Variants in ATPAF2 observed in about 807,000 individuals in gnomAD.
ATPAF2 encodes ATP12 homolog.
ATPAF2 carries 30 observed loss-of-function variants against 36.6 expected under a neutral mutation model. The observed-to-expected ratio is 0.82, with a 90% CI of 0.61 to 1.11. The LOEUF (loss-of-function observed/expected upper bound fraction) is 1.11. Ranked by LOEUF, ATPAF2 falls within the 50% of genes most tolerant of loss-of-function variation. The probability of loss-of-function intolerance (pLI) is 0.00; values close to 1 mark genes in which losing one functional copy is unlikely to be tolerated. For synonymous variants in ATPAF2, 140 were observed against 152.6 expected (o/e 0.92, Z 0.61); for missense variants, 321 against 372.3 (o/e 0.86, Z 1.13).
At chr17:18,017,355 T>C (rs537908199), downstream of ATPAF2, among the ~76,000 whole-genome samples, 1 of 152,326 alleles carries the variant, frequency 6.6e-6, no homozygotes, top group Admixed American at 6.5e-5. Flanking sequence ...TCCCCTGCCA[T>C]GCCTAGGCAG....
At chr17:18,026,220 A>T in intron 4 of ATPAF2, 99 bp downstream of exon 4, 1 of 1,194,714 alleles carries the variant, frequency 8.4e-7, no homozygotes, top group Non-Finnish European at 1.3e-6. Context: ...TTGTCCTTGC[A>T]ATAAATGGAG....
At chr17:18,034,800 C>A (rs1300873983) in intron 1 of ATPAF2, among the ~76,000 whole-genome samples, 1 of 150,582 alleles carries the variant, frequency 6.6e-6, no homozygotes, top group African/African-American at 2.4e-5. Flanking sequence ...TAGCGTTATT[C>A]ATATTAGCCA....
At position 18,039,122 on chromosome 17, in the gene ATPAF2, C is replaced by G; in HGVS notation, c.-109G>C. On this transcript the variant is annotated 5_prime_UTR_variant, in exon 1 of 8. Transcript: ENST00000474627. The surrounding 1 kb of genome is among the most constrained non-coding windows in gnomAD (Gnocchi z 5.3). ...CGGGCTGTACGGAAACCTCTCAACG[C>G]CTCCTCAGAGCCCTCAACCTCCCTT... The G allele has an allele frequency of 6.8e-7, 1 of 1,461,792 alleles. No homozygotes were observed. The highest frequency in any genetic ancestry group is 9.3e-7 in the Non-Finnish European group (1 of 1,076,924). 90.6% of individuals were successfully genotyped at this position (1,461,792 alleles called of 1,614,324 possible).
intron 1 of ATPAF2, among the ~76,000 whole-genome samples, chr17:18,038,530 TGAGA>T (rs1032518786): frequency 2.0e-5 from 3 of 152,214 alleles, no homozygotes; most frequent in African/African-American, 7.2e-5. Context: ...CACAAACCTC[TGAGA>T]GAGTCTGCCT....
intron 1 of ATPAF2, among the ~76,000 whole-genome samples, chr17:18,037,924 C>A (rs1044586933): frequency 6.6e-6 from 1 of 152,210 alleles, no homozygotes; most frequent in African/African-American, 2.4e-5. Context: ...CTTAAACAAA[C>A]GCCCTTTCAC....
chr17:18,037,419 A>G (rs1444669898), intron 1 of ATPAF2, among the ~76,000 whole-genome samples: 1 of 151,968 alleles, frequency 6.6e-6, no homozygotes, highest in African/African-American at 2.4e-5. Flanking sequence ...CCCCATCTCT[A>G]CTAAAAATAC....
downstream of ATPAF2, among the ~76,000 whole-genome samples, chr17:18,017,772 T>TC (rs1353083087): frequency 2.0e-5 from 3 of 151,958 alleles, no homozygotes; most frequent in Non-Finnish European, 2.9e-5. Flanking sequence ...GAACCACTCT[T>TC]CCCCCCTGCC....
chr17:18,021,084 T>C (rs1471279573), intron 7 of ATPAF2, 39 bp downstream of exon 7: 3 of 1,592,898 alleles, frequency 1.9e-6, no homozygotes, highest in Admixed American at 3.5e-5. Context: ...GAGTCTGAAC[T>C]AGGAAGGGGG....
At chr17:18,016,131 T>G, downstream of ATPAF2, 1 of 1,613,958 alleles carries the variant, frequency 6.2e-7, no homozygotes, top group Non-Finnish European at 8.5e-7. Context: ...CTCCTGAAGA[T>G]TGACAATCGA....
downstream of ATPAF2, chr17:18,016,645 C>G (rs1272675606): frequency 6.2e-7 from 1 of 1,613,260 alleles, no homozygotes; most frequent in Non-Finnish European, 8.5e-7. Flanking sequence ...ACTGGACAAC[C>G]TGGAATGTGG....
At chr17:18,029,161 C>G (rs1342450069) in intron 1 of ATPAF2, among the ~76,000 whole-genome samples, 2 of 152,256 alleles carry the variant, frequency 1.3e-5, no homozygotes, top group Admixed American at 6.5e-5. Context: ...CCCATCCCCT[C>G]TCTCCAATTA....
chr17:18,017,719 C>G (rs1360568702), downstream of ATPAF2, among the ~76,000 whole-genome samples: 1 of 152,228 alleles, frequency 6.6e-6, no homozygotes, highest in South Asian at 2.1e-4. Context: ...TTACCTTACT[C>G]AGGCTGGCAA....
At chr17:18,024,498 C>G (rs2044515635) in intron 5 of ATPAF2, 126 bp downstream of exon 5, 1 of 806,146 alleles carries the variant, frequency 1.2e-6, no homozygotes, top group Non-Finnish European at 2.1e-6. Flanking sequence ...CCAAATCCCA[C>G]GAGTGCTCTG....
At chr17:18,031,499 A>C (rs2044634238) in intron 1 of ATPAF2, among the ~76,000 whole-genome samples, 1 of 151,818 alleles carries the variant, frequency 6.6e-6, no homozygotes, top group South Asian at 2.1e-4. Context: ...GTGTTTTTTT[A>C]GGCCAGGCGC....
At chr17:18,020,892 C>T in intron 7 of ATPAF2, 2 of 1,125,526 alleles carry the variant, frequency 1.8e-6, no homozygotes, top group Non-Finnish European at 2.3e-6. Context: ...AACTCCTGAC[C>T]TCAAATGATC....
In ATPAF2 at chr17:18,018,511, C is replaced by A. The variant is rs370697942; in HGVS notation, c.*38G>T. The A allele has an allele frequency of 6.2e-7, 1 of 1,610,878 alleles. No homozygotes were observed. Among genetic ancestry groups the A allele is most frequent in the Admixed American group, 1.7e-5 (1 of 60,014 alleles). On this transcript the variant is annotated 3_prime_UTR_variant, in exon 8 of 8. Coordinates refer to ENST00000474627, the MANE Select transcript of ATPAF2 (RefSeq NM_145691.4). ...CTGAAGGCCGGGGGAGCTGTGGCTG[C>A]ACTGCCTCTATCCTGCTGAGTGTGC... is the stretch of plus-strand genomic sequence containing the variant.
At chr17:18,038,683 G>A (rs2044741672) in intron 1 of ATPAF2, among the ~76,000 whole-genome samples, 198 bp downstream of exon 1, 2 of 152,200 alleles carry the variant, frequency 1.3e-5, no homozygotes, top group South Asian at 4.1e-4. Flanking sequence ...TTACTGTATC[G>A]TGCGTGACTC....
intron 3 of ATPAF2, chr17:18,027,844 C>T (rs552764770): frequency 2.0e-5 from 6 of 296,784 alleles, no homozygotes; most frequent in South Asian, 2.0e-4. Flanking sequence ...GGCTCCTGCC[C>T]TTCTGTTGCT....
chr17:18,031,906 A>C (rs2044641811), intron 1 of ATPAF2, among the ~76,000 whole-genome samples: 1 of 152,218 alleles, frequency 6.6e-6, no homozygotes, highest in Non-Finnish European at 1.5e-5. Context: ...TAAAATTAGA[A>C]GTTTACAGCA....
Sources: allele counts gnomAD v4.1 joint callset (sites outside exome capture counted in the v4.1 genomes callset), GRCh38; gene constraint gnomAD v4.1.1; non-coding constraint Gnocchi (gnomAD v3.1); transcripts MANE v1.5; gene names NCBI Gene and HGNC (gene_info 2026-07-23, HGNC 2026-07-21).